Variants in SLAIN2 observed in about 807,000 individuals in gnomAD.
SLAIN2 encodes the protein SLAIN motif-containing protein 2.
SLAIN2 carries 31 observed loss-of-function variants against 56.6 expected under a neutral mutation model. The observed-to-expected ratio is 0.55, with a 90% confidence interval of 0.41 to 0.74. The LOEUF (loss-of-function observed/expected upper bound fraction) is 0.74, where lower values mean the gene tolerates loss of function less well. Among genes scored for constraint, SLAIN2 ranks in the 30% least tolerant of loss-of-function variants. The pLI, the probability that SLAIN2 is intolerant of heterozygous loss-of-function variation, is 0.00. For synonymous variants in SLAIN2, 317 were observed against 284.9 expected, an observed-to-expected ratio of 1.11 and a Z score of -1.13; for missense variants, 777 against 754.2, an observed-to-expected ratio of 1.03 and a Z score of -0.35.
At chr4:48,407,030 T>C (rs1252769913) in intron 6 of SLAIN2, among the ~76,000 whole-genome samples, 3 of 152,042 alleles carry the variant, frequency 2.0e-5, no homozygotes, top group Non-Finnish European at 2.9e-5. Flanking sequence ...CATTATAGAG[T>C]AGCAAACTTT....
Position 48,386,142 on chromosome 4 carries a change from C to T in SLAIN2, c.1360+2358C>T, listed in dbSNP as rs189385957. ...AAAAACTATATTTGAATCAAAATGA[C>T]TTCTGTGATATATTGACAAATTTTC... On this transcript the variant is annotated intron_variant, in intron 6 of 7. Transcript: ENST00000264313. Among the ~76,000 whole-genome samples, 7 of 148,908 alleles carry T rather than the reference C, an allele frequency of 4.7e-5. No homozygotes were observed. The East Asian group carries it at 7.9e-4, about 17-fold the overall frequency.
At chr4:48,357,320 GTAAGGCT>G (rs1715184106) in intron 1 of SLAIN2, among the ~76,000 whole-genome samples, 1 of 151,886 alleles carries the variant, frequency 6.6e-6, no homozygotes. Context: ...TTTATAGTTG[GTAAGGCT>G]TAAGAGAGCA....
intron 2 of SLAIN2, among the ~76,000 whole-genome samples, chr4:48,373,816 G>A (rs1715731307): frequency 6.6e-6 from 1 of 152,226 alleles, no homozygotes; most frequent in East Asian, 1.9e-4. Flanking sequence ...CAAGGTGGGC[G>A]GATCACCTGA....
chr4:48,394,838 T>A (rs905350204), intron 6 of SLAIN2, among the ~76,000 whole-genome samples: 1 of 152,188 alleles, frequency 6.6e-6, no homozygotes, highest in African/African-American at 2.4e-5. Context: ...TCTACAGAGG[T>A]ATGTATTGGG....
At chr4:48,403,821 G>A (rs1331990123) in intron 6 of SLAIN2, among the ~76,000 whole-genome samples, 5 of 152,308 alleles carry the variant, frequency 3.3e-5, no homozygotes, top group South Asian at 4.1e-4. Context: ...CTGGGTCTCC[G>A]TGAGTGCCTG....
intron 6 of SLAIN2, among the ~76,000 whole-genome samples, chr4:48,406,154 C>A (rs1340434002): frequency 6.6e-6 from 1 of 152,128 alleles, no homozygotes; most frequent in Non-Finnish European, 1.5e-5. Context: ...AGGCATTTCT[C>A]CAAAAAGTCC....
chr4:48,372,783 A>G, intron 2 of SLAIN2, among the ~76,000 whole-genome samples: 1 of 152,242 alleles, frequency 6.6e-6, no homozygotes, highest in East Asian at 1.9e-4. Flanking sequence ...AGCTATAAAT[A>G]CAATGTATAT....
At chr4:48,384,411 G>GA (rs796379164) in intron 6 of SLAIN2, among the ~76,000 whole-genome samples, 11 of 152,186 alleles carry the variant, frequency 7.2e-5, no homozygotes, top group South Asian at 4.1e-4. Flanking sequence ...CTATTTTAAT[G>GA]AAAAAATACA....
intron 6 of SLAIN2, among the ~76,000 whole-genome samples, chr4:48,406,746 T>C (rs964245344): frequency 6.6e-6 from 1 of 152,120 alleles, no homozygotes; most frequent in African/African-American, 2.4e-5. Flanking sequence ...ACAGTATTCA[T>C]TCTTTCAATT....
At chr4:48,357,717 G>A (rs1424446463) in intron 1 of SLAIN2, among the ~76,000 whole-genome samples, 6 of 152,200 alleles carry the variant, frequency 3.9e-5, no homozygotes, top group East Asian at 1.9e-4. Context: ...CACCACGCCC[G>A]GCTAATTTTG....
intron 6 of SLAIN2, among the ~76,000 whole-genome samples, chr4:48,406,895 A>G (rs1716711989): frequency 6.6e-6 from 1 of 152,052 alleles, no homozygotes; most frequent in South Asian, 2.1e-4. Context: ...TTTCTGTTAT[A>G]ATCATTTGGT....
intron 5 of SLAIN2, 93 bp from the exon 6 acceptor site, chr4:48,383,554 T>G (rs970152268): frequency 8.4e-7 from 1 of 1,184,494 alleles, no homozygotes; most frequent in Non-Finnish European, 1.2e-6. Flanking sequence ...ACAGAATGTT[T>G]GATAAACAAT....
In SLAIN2 at chr4:48,342,182, A is replaced by T. The variant is rs982558585; in HGVS notation, c.389+54A>T. ...GGCGGGGACGGGCCCGGGGGCGGAG[A>T]GCGTCCTCTGAGGGTCCCTCTGGTC... is the stretch of plus-strand genomic sequence containing the variant. On this transcript the variant is annotated intron_variant, in intron 1 of 7. Transcript: ENST00000264313. 8 of 1,328,914 alleles carry T rather than the reference A, an allele frequency of 6.0e-6. No homozygotes were observed. In the African/African-American group the frequency reaches 1.2e-4, roughly 20 times the overall value. 82.3% of individuals were successfully genotyped at this position (1,328,914 alleles called of 1,614,324 possible). A position where few individuals can be genotyped will look rare whatever the true frequency, so the allele number is the denominator to read the frequency against.
intron 6 of SLAIN2, among the ~76,000 whole-genome samples, chr4:48,416,416 C>T (rs1716996408): frequency 8.0e-6 from 1 of 125,256 alleles, no homozygotes; most frequent in Non-Finnish European, 1.7e-5. Context: ...ATTTTGTATC[C>T]TGAGACTTTG....
Position 48,341,841 on chromosome 4 carries a change from C to A in SLAIN2, c.102C>A (p.Arg34=). ...AGCAGAACGAACAGCTGAGGAGCCGCTCGGGGGCCGTGCAGGGCGCCGGCT... is the reference window on the plus strand; with the variant it reads ...AGCAGAACGAACAGCTGAGGAGCCGATCGGGGGCCGTGCAGGGCGCCGGCT... ...LEKQNEQLRS[R]SGAVQGAGSL... is the part of the protein sequence containing the mutation. Residue 34 remains arginine, a synonymous_variant, in exon 1 of 8, where the codon CGC becomes CGA. Transcript: ENST00000264313. The A allele has an allele frequency of 2.0e-6, 3 of 1,526,926 alleles. No individual in the cohort carries two copies. The highest frequency in any genetic ancestry group is 2.6e-6 in the Non-Finnish European group (3 of 1,137,390). The allele number at this position is 1,526,926 out of a possible 1,614,324, so 94.6% of individuals were successfully genotyped here. A position where few individuals can be genotyped will look rare whatever the true frequency, so the allele number is the denominator to read the frequency against.
intron 6 of SLAIN2, among the ~76,000 whole-genome samples, chr4:48,385,370 G>T (rs1214980761): frequency 6.6e-6 from 1 of 152,158 alleles, no homozygotes; most frequent in African/African-American, 2.4e-5. Context: ...CACAAAGGGT[G>T]CATATTCACT....
chr4:48,396,051 C>G (rs2109773143), intron 6 of SLAIN2, among the ~76,000 whole-genome samples: 1 of 151,820 alleles, frequency 6.6e-6, no homozygotes, highest in African/African-American at 2.4e-5. Flanking sequence ...AAAATTTTTA[C>G]CTAAAGATTT....
At position 48,379,691 on chromosome 4, in the gene SLAIN2, T is replaced by C; in HGVS notation, c.705T>C (p.Gly235=). The stretch of plus-strand genomic sequence containing the variant: ...TTTTTTTCTTTTTTTTTTTTTAAGG[T>C]AACTTGAAAAGCTCAGACAGAAATC... ...VKQLILPGNS[G]NLKSSDRNPP... The change falls in exon 4 of 8, where the codon GGT becomes GGC. Residue 235 remains glycine, a splice_region_variant and synonymous_variant. Transcript: ENST00000264313. The C allele has an allele frequency of 7.1e-7, 1 of 1,417,166 alleles. No homozygotes were observed. 87.8% of individuals were successfully genotyped at this position (1,417,166 alleles called of 1,614,324 possible). A position where few individuals can be genotyped will look rare whatever the true frequency, so the allele number is the denominator to read the frequency against.
chr4:48,383,530 C>A, intron 5 of SLAIN2, 117 bp from the exon 6 acceptor site: 356 of 861,096 alleles, frequency 4.1e-4, no homozygotes, highest in East Asian at 7.4e-4. Flanking sequence ...TTTGTATTTT[C>A]TCATCTAAAA....
Sources: allele counts gnomAD v4.1 joint callset (sites outside exome capture counted in the v4.1 genomes callset), GRCh38; gene constraint gnomAD v4.1.1; transcripts MANE v1.5; gene names NCBI Gene and HGNC (gene_info 2026-07-23, HGNC 2026-07-21).